SGCD: variants seen among roughly 807,000 people sequenced by gnomAD.
SGCD encodes the protein delta-sarcoglycan.
SGCD carries 18 observed loss-of-function variants against 36.6 expected under a neutral mutation model. That is an observed-to-expected ratio of 0.49 (90% CI 0.34 to 0.73). SGCD has a LOEUF of 0.73. Ranked by LOEUF, SGCD falls within the 30% of genes least tolerant of loss-of-function variation. SGCD has a pLI of 0.01. For missense variants in SGCD, 387 were observed against 346.7 expected, an observed-to-expected ratio of 1.12 and a Z score of -0.92; for synonymous variants, 133 against 130.6, an observed-to-expected ratio of 1.02 and a Z score of -0.12.
chr5:155,806,979 G>A, the SGCD span, among the ~76,000 whole-genome samples: 1 of 152,158 alleles, frequency 6.6e-6, no homozygotes, highest in Non-Finnish European at 1.5e-5. Flanking sequence ...TGAGACAATA[G>A]CTGTGAATGA....
intron 3 of SGCD, among the ~76,000 whole-genome samples, chr5:156,262,336 G>A (rs920677880): frequency 1.3e-5 from 2 of 151,998 alleles, no homozygotes; most frequent in African/African-American, 4.8e-5. Flanking sequence ...CATTACAGTT[G>A]CCTGCAGTAT....
At chr5:155,929,066 C>T (rs1170556991) in intron 1 of SGCD, among the ~76,000 whole-genome samples, 2 of 152,124 alleles carry the variant, frequency 1.3e-5, no homozygotes, top group Non-Finnish European at 2.9e-5. Flanking sequence ...AAAATCTTTT[C>T]CTTTTCTAAT....
At chr5:155,961,062 CA>C (rs1757781826) in intron 1 of SGCD, among the ~76,000 whole-genome samples, 1 of 152,062 alleles carries the variant, frequency 6.6e-6, no homozygotes, top group Non-Finnish European at 1.5e-5. Context: ...CCTTTTGTTA[CA>C]ACTTTTTTTT....
intron 1 of SGCD, among the ~76,000 whole-genome samples, chr5:156,013,668 TTTGCCTATTTTTATA>T (rs1168389305): frequency 6.6e-6 from 1 of 152,174 alleles, no homozygotes; most frequent in Non-Finnish European, 1.5e-5. Context: ...CTTCATGTCT[TTTGCCTATTTTTATA>T]TTGAGAGTGT....
intron 1 of SGCD, among the ~76,000 whole-genome samples, chr5:156,059,545 C>A (rs1377197157): frequency 1.4e-5 from 2 of 146,236 alleles, no homozygotes; most frequent in African/African-American, 4.9e-5. Context: ...TGGCAGGGGA[C>A]CCTATGACCA....
intron 1 of SGCD, among the ~76,000 whole-genome samples, chr5:155,974,382 T>G (rs965617436): frequency 6.6e-6 from 1 of 151,616 alleles, no homozygotes; most frequent in Non-Finnish European, 1.5e-5. Flanking sequence ...CATGTAAGAG[T>G]GAGGTATGGG....
intron 3 of SGCD, among the ~76,000 whole-genome samples, chr5:156,150,894 G>A (rs1334961116): frequency 6.6e-6 from 1 of 151,700 alleles, no homozygotes; most frequent in Non-Finnish European, 1.5e-5. Context: ...CTTTCAGAAT[G>A]TCAAATACAT....
At chr5:156,515,522 AG>A (rs1469670492) in intron 4 of SGCD, among the ~76,000 whole-genome samples, 9 of 152,118 alleles carry the variant, frequency 5.9e-5, no homozygotes, top group Admixed American at 5.2e-4. Flanking sequence ...AGCAGGGTGG[AG>A]TGATGGCCCA....
intron 6 of SGCD, among the ~76,000 whole-genome samples, chr5:156,635,477 T>A (rs988652250): frequency 1.3e-5 from 2 of 152,146 alleles, no homozygotes; most frequent in Non-Finnish European, 2.9e-5. Flanking sequence ...GTCAGTGTGG[T>A]GATTCCTCAG....
intron 7 of SGCD, among the ~76,000 whole-genome samples, chr5:156,686,494 C>A (rs1221962549): frequency 6.6e-6 from 1 of 152,168 alleles, no homozygotes; most frequent in East Asian, 1.9e-4. Flanking sequence ...AGCAGTAGAA[C>A]CCTGATGGAT....
intron 3 of SGCD, among the ~76,000 whole-genome samples, chr5:156,380,335 T>C (rs1336030763): frequency 6.6e-6 from 1 of 152,226 alleles, no homozygotes; most frequent in Non-Finnish European, 1.5e-5. Context: ...CCTCACTTGA[T>C]GAATACATAG....
chr5:156,628,259 G>A (rs939610235), intron 6 of SGCD, among the ~76,000 whole-genome samples: 2 of 152,174 alleles, frequency 1.3e-5, no homozygotes, highest in African/African-American at 4.8e-5. Flanking sequence ...CCTTTCACCA[G>A]ACCCTACCTC....
At chr5:156,687,246 T>A (rs909648537) in intron 7 of SGCD, among the ~76,000 whole-genome samples, 1 of 152,140 alleles carries the variant, frequency 6.6e-6, no homozygotes, top group African/African-American at 2.4e-5. Context: ...AACAGGACTG[T>A]AGAATCTTAA....
At chr5:156,421,169 A>G (rs1327618265) in intron 3 of SGCD, among the ~76,000 whole-genome samples, 1 of 152,134 alleles carries the variant, frequency 6.6e-6, no homozygotes, top group Non-Finnish European at 1.5e-5. Context: ...AGGCACAAAG[A>G]AAGTATATGA....
chr5:156,704,129 G>C (rs1005322229), intron 7 of SGCD: 2 of 152,088 alleles, frequency 1.3e-5, no homozygotes, highest in Admixed American at 1.3e-4. Flanking sequence ...TTGGATCCAG[G>C]CATTTAAATG....
At chr5:156,141,127 G>A (rs1240604845) in intron 3 of SGCD, among the ~76,000 whole-genome samples, 2 of 152,190 alleles carry the variant, frequency 1.3e-5, no homozygotes, top group African/African-American at 4.8e-5. Context: ...AATTCTGCAG[G>A]CTTATGGAGT....
chr5:155,805,663 G>A, the SGCD span, among the ~76,000 whole-genome samples: 2 of 152,198 alleles, frequency 1.3e-5, no homozygotes, highest in Non-Finnish European at 2.9e-5. Flanking sequence ...GCCTCTGGTT[G>A]AGAACCTCTG....
At chr5:156,551,723 G>A (rs1021064961) in intron 4 of SGCD, among the ~76,000 whole-genome samples, 3 of 152,216 alleles carry the variant, frequency 2.0e-5, no homozygotes, top group African/African-American at 7.2e-5. Flanking sequence ...GGTGACTTCC[G>A]GTTCTAAGAG....
At chr5:156,423,972 T>C (rs755648297) in intron 3 of SGCD, among the ~76,000 whole-genome samples, 14 of 152,006 alleles carry the variant, frequency 9.2e-5, no homozygotes, top group Non-Finnish European at 2.1e-4. Flanking sequence ...GTTGATTTTT[T>C]TGGATCCCAG....
Sources: allele counts gnomAD v4.1 joint callset (sites outside exome capture counted in the v4.1 genomes callset), GRCh38; gene constraint gnomAD v4.1.1; transcripts MANE v1.5; gene names NCBI Gene and HGNC (gene_info 2026-07-23, HGNC 2026-07-21).